MMP26: variants seen among roughly 807,000 people sequenced by gnomAD.
MMP26 encodes matrix metallopeptidase 26.
In MMP26, 33 loss-of-function variants were observed where a neutral mutation model predicts 31.0. The observed-to-expected ratio is 1.06, with a 90% CI of 0.81 to 1.42. The LOEUF (loss-of-function observed/expected upper bound fraction) is 1.42, where lower values mean the gene tolerates loss of function less well. Ranked by LOEUF, MMP26 falls within the 40% of genes most tolerant of loss-of-function variation. MMP26 has a pLI of 0.00. For missense variants in MMP26, 347 were observed against 316.1 expected, an observed-to-expected ratio of 1.10 and a Z score of -0.74; for synonymous variants, 122 against 114.9, an observed-to-expected ratio of 1.06 and a Z score of -0.40.
At chr11:4,723,505 A>G (rs1245616409) in intron 1 of MMP26, 7 of 1,153,502 alleles carry the variant, frequency 6.1e-6, no homozygotes. Context: ...CTCTTCATAC[A>G]GCTGCCTGAG....
At chr11:4,920,322 T>C (rs1045768327) in intron 2 of MMP26, among the ~76,000 whole-genome samples, 1 of 152,172 alleles carries the variant, frequency 6.6e-6, no homozygotes, top group Non-Finnish European at 1.5e-5. Context: ...ATAATTGGCT[T>C]GTGTAAGTGG....
chr11:4,733,982 A>C (rs1848206334), intron 1 of MMP26, among the ~76,000 whole-genome samples: 1 of 152,034 alleles, frequency 6.6e-6, no homozygotes, highest in Non-Finnish European at 1.5e-5. Context: ...CTTTTTTTCT[A>C]ATGTTAAATC....
chr11:4,739,163 C>T (rs1440206695), intron 1 of MMP26, among the ~76,000 whole-genome samples: 2 of 152,194 alleles, frequency 1.3e-5, no homozygotes, highest in Non-Finnish European at 2.9e-5. Flanking sequence ...TAAGACACTT[C>T]CCTTTCTAGC....
intron 2 of MMP26, among the ~76,000 whole-genome samples, chr11:4,780,588 A>T (rs1341360908): frequency 6.6e-6 from 1 of 152,192 alleles, no homozygotes; most frequent in Non-Finnish European, 1.5e-5. Flanking sequence ...AAAAGGATAC[A>T]GTGAAATCTG....
intron 1 of MMP26, among the ~76,000 whole-genome samples, chr11:4,762,246 C>T (rs909014621): frequency 6.6e-6 from 1 of 152,094 alleles, no homozygotes; most frequent in Non-Finnish European, 1.5e-5. Context: ...ATTATATGAA[C>T]AAACACAATA....
At chr11:4,794,729 A>G (rs1849081606) in intron 2 of MMP26, among the ~76,000 whole-genome samples, 1 of 152,212 alleles carries the variant, frequency 6.6e-6, no homozygotes, top group Non-Finnish European at 1.5e-5. Context: ...GGGTGAGGGT[A>G]ACCAAGCAGT....
At chr11:4,973,970 C>T (rs1352337590) in intron 2 of MMP26, 3 of 151,890 alleles carry the variant, frequency 2.0e-5, no homozygotes, top group African/African-American at 7.3e-5. Context: ...CTGGCTCTAT[C>T]CTATTGAACT....
intron 2 of MMP26, among the ~76,000 whole-genome samples, chr11:4,781,698 G>A (rs1848866406): frequency 6.7e-6 from 1 of 149,686 alleles, no homozygotes; most frequent in African/African-American, 2.4e-5. Context: ...CCACCCTGAT[G>A]TGGTTTGTCT....
Position 4,781,304 on chromosome 11 carries a change from C to T in MMP26, c.-145+13963C>T, listed in dbSNP as rs537980651. Among the ~76,000 whole-genome samples the T allele has an allele frequency of 1.6e-4, 21 of 130,020 alleles. 1 individual carries two copies. The South Asian group carries it at 4.6e-3, about 29-fold the overall frequency. The allele number at this position is 130,020 out of a possible 152,430, so 85.3% of individuals were successfully genotyped here. A position where few individuals can be genotyped will look rare whatever the true frequency, so the allele number is the denominator to read the frequency against. On this transcript the variant is annotated intron_variant, in intron 2 of 7. Coordinates refer to ENST00000380390, the MANE Select transcript of MMP26 (RefSeq NM_021801.5). ...GCAAACCTGCCTTAAAAACTGATTG[C>T]AGGGAGGCCGAGGTGGGTGGATCAT...
At chr11:4,848,142 T>C in intron 2 of MMP26, 1 of 1,296,302 alleles carries the variant, frequency 7.7e-7, no homozygotes, top group Non-Finnish European at 1.1e-6. Context: ...CACTTATGTG[T>C]ACGTGAATGA....
intron 2 of MMP26, among the ~76,000 whole-genome samples, chr11:4,799,268 C>T (rs1849149845): frequency 1.3e-5 from 2 of 152,222 alleles, no homozygotes; most frequent in Middle Eastern, 3.4e-3. Flanking sequence ...GCACCAGTGT[C>T]TTCTAGGCTT....
At chr11:4,980,783 TA>T (rs1846802037) in intron 2 of MMP26, among the ~76,000 whole-genome samples, 1 of 123,898 alleles carries the variant, frequency 8.1e-6, no homozygotes, top group African/African-American at 4.1e-5. Context: ...TTGAAGGAAG[TA>T]TTTGTGGACA....
At chr11:4,942,064 T>C (rs1846215730) in intron 2 of MMP26, among the ~76,000 whole-genome samples, 1 of 81,914 alleles carries the variant, frequency 1.2e-5, no homozygotes, top group African/African-American at 4.5e-5. Context: ...TGCTCCAGCC[T>C]GGGCAGCAGA....
At chr11:4,929,838 C>T (rs1421885348) in intron 2 of MMP26, among the ~76,000 whole-genome samples, 1 of 151,950 alleles carries the variant, frequency 6.6e-6, no homozygotes, top group African/African-American at 2.4e-5. Context: ...AAACACTTAA[C>T]CTTATTGTGA....
intron 1 of MMP26, among the ~76,000 whole-genome samples, chr11:4,742,277 A>G (rs1334257071): frequency 6.6e-6 from 1 of 152,228 alleles, no homozygotes; most frequent in Non-Finnish European, 1.5e-5. Flanking sequence ...GACAAAGACA[A>G]GTATAGTGGA....
intron 2 of MMP26, among the ~76,000 whole-genome samples, chr11:4,874,957 C>T (rs747290957): frequency 7.2e-5 from 11 of 151,908 alleles, no homozygotes; most frequent in South Asian, 2.1e-4. Flanking sequence ...CACATAGAAG[C>T]GTGGAAGGAA....
chr11:4,984,874 G>A (rs1464961202), intron 2 of MMP26, among the ~76,000 whole-genome samples: 1 of 152,140 alleles, frequency 6.6e-6, no homozygotes, highest in Non-Finnish European at 1.5e-5. Context: ...CTTTCAATGG[G>A]ATAGAGAGAT....
At chr11:4,773,071 G>T (rs950362695) in intron 2 of MMP26, among the ~76,000 whole-genome samples, 1 of 152,002 alleles carries the variant, frequency 6.6e-6, no homozygotes, top group South Asian at 2.1e-4. Context: ...TAAAAGTTTC[G>T]CCTCTGTTGT....
chr11:4,810,910 G>A lies in MMP26; in HGVS notation c.-145+43569G>A, dbSNP rs370109459. On this transcript the variant is annotated intron_variant, in intron 2 of 7. Transcript: ENST00000380390. ...AGCATGCAAAGAACGATTTGTTTGC[G>A]AGGAGTGCAATCTGTCAGACTAGAA... is the stretch of plus-strand genomic sequence containing the variant. Among the ~76,000 whole-genome samples the A allele has an allele frequency of 7.9e-5, 12 of 152,304 alleles. No individual in the cohort carries two copies. The South Asian group carries it at 2.1e-3, about 26-fold the overall frequency.
Sources: gnomAD v4.1 joint callset for allele counts (sites outside exome capture counted in the v4.1 genomes callset) on GRCh38, gnomAD v4.1.1 for gene constraint, MANE v1.5 for transcripts, NCBI Gene and HGNC (gene_info 2026-07-23, HGNC 2026-07-21) for gene names.